Variants in TDRD3 observed in about 807,000 individuals in gnomAD.
TDRD3 encodes the protein tudor domain containing 3, also known as tudor domain-containing protein 3.
A neutral mutation model predicts 86.7 loss-of-function variants in TDRD3; 45 were observed. That is an observed-to-expected ratio of 0.52 (90% CI 0.41 to 0.67). TDRD3 has a LOEUF of 0.67. TDRD3 is among the 30% of genes least tolerant of loss of function. TDRD3 has a pLI of 0.00. For synonymous variants in TDRD3, 298 were observed against 301.7 expected (o/e 0.99, Z 0.13); for missense variants, 814 against 889.0 (o/e 0.92, Z 1.07).
intron 5 of TDRD3, among the ~76,000 whole-genome samples, chr13:60,482,432 A>G (rs1956337244): frequency 6.6e-6 from 1 of 152,210 alleles, no homozygotes; most frequent in African/African-American, 2.4e-5. Context: ...TTGTTTTTAA[A>G]GAGAGAGTAA....
At chr13:60,402,386 T>G (rs1192341702) in intron 1 of TDRD3, among the ~76,000 whole-genome samples, 1 of 152,214 alleles carries the variant, frequency 6.6e-6, no homozygotes, top group Non-Finnish European at 1.5e-5. Flanking sequence ...ACATAAAATA[T>G]GAGTTTATGC....
At chr13:60,439,613 A>T in intron 1 of TDRD3, 75 bp from the exon 2 acceptor site, 1 of 1,174,566 alleles carries the variant, frequency 8.5e-7, no homozygotes, top group Non-Finnish European at 1.2e-6. Context: ...TAGAAAACAA[A>T]ATTGCATGTA....
At chr13:60,470,784 T>C (rs973491128) in intron 5 of TDRD3, among the ~76,000 whole-genome samples, 1 of 152,114 alleles carries the variant, frequency 6.6e-6, no homozygotes, top group Non-Finnish European at 1.5e-5. Flanking sequence ...GGTTTCACTA[T>C]GTTGGCCAGG....
intron 12 of TDRD3, among the ~76,000 whole-genome samples, chr13:60,563,419 TCC>T (rs1958383070): frequency 6.6e-6 from 1 of 152,094 alleles, no homozygotes; most frequent in Non-Finnish European, 1.5e-5. Flanking sequence ...AACTCAAACT[TCC>T]TGAGGTTAGA....
intron 1 of TDRD3, among the ~76,000 whole-genome samples, chr13:60,428,107 C>T (rs2137901669): frequency 6.6e-6 from 1 of 151,970 alleles, no homozygotes; most frequent in South Asian, 2.1e-4. Flanking sequence ...CAGTTTCTGC[C>T]TCCAGCTTCA....
chr13:60,424,158 A>G (rs1181072269), intron 1 of TDRD3, among the ~76,000 whole-genome samples: 4 of 151,488 alleles, frequency 2.6e-5, no homozygotes, highest in Non-Finnish European at 5.9e-5. Flanking sequence ...AGTAGCTGGG[A>G]CTACAGGCGC....
chr13:60,455,047 G>C (rs1212104874), intron 3 of TDRD3, among the ~76,000 whole-genome samples: 1 of 152,050 alleles, frequency 6.6e-6, no homozygotes, highest in East Asian at 1.9e-4. Context: ...CCAAGTAGCT[G>C]GGATTACAGG....
intron 10 of TDRD3, among the ~76,000 whole-genome samples, chr13:60,515,699 A>G (rs9538733): frequency 0.14 from 20,922 of 152,192 alleles, 1,510 homozygotes; most frequent in East Asian, 0.2. Context: ...ATTGTAAAAT[A>G]AACAAACAAA....
chr13:60,547,870 A>G (rs553843333), intron 12 of TDRD3, among the ~76,000 whole-genome samples: 1 of 152,292 alleles, frequency 6.6e-6, no homozygotes, highest in African/African-American at 2.4e-5. Context: ...TTTCTTCTTT[A>G]ATATTCCCAG....
chr13:60,478,051 A>G (rs1956225133), intron 5 of TDRD3, among the ~76,000 whole-genome samples: 1 of 151,988 alleles, frequency 6.6e-6, no homozygotes, highest in South Asian at 2.1e-4. Flanking sequence ...TCAATTTCAA[A>G]ACTTGTTATT....
intron 1 of TDRD3, among the ~76,000 whole-genome samples, chr13:60,436,097 T>C (rs1955093357): frequency 6.9e-6 from 1 of 145,802 alleles, no homozygotes; most frequent in Middle Eastern, 3.4e-3. Context: ...TTGCCCACTT[T>C]TGGATGGGTT....
chr13:60,420,006 A>C (rs950483477), intron 1 of TDRD3, among the ~76,000 whole-genome samples: 12 of 152,050 alleles, frequency 7.9e-5, no homozygotes, highest in African/African-American at 2.9e-4. Context: ...TCTTATAATT[A>C]TTGTGGTTAT....
At chr13:60,487,271 G>A (rs1470117520) in intron 7 of TDRD3, among the ~76,000 whole-genome samples, 1 of 152,126 alleles carries the variant, frequency 6.6e-6, no homozygotes, top group Admixed American at 6.5e-5. Flanking sequence ...TGAGGCAGGT[G>A]TATCACCTGA....
In TDRD3 at chr13:60,463,335, C is replaced by T. The variant is rs552401516; in HGVS notation, c.353+2795C>T. ...TGAGAACACACCATTGCGCTCCAGT[C>T]GGTGTGACAAGAGCAAAATTCTGGC... On this transcript the variant is annotated intron_variant, in intron 4 of 13. Coordinates refer to ENST00000377881, the MANE Select transcript of TDRD3 (RefSeq NM_001146070.2). Among the ~76,000 whole-genome samples, 6 of 128,322 alleles carry T rather than the reference C, an allele frequency of 4.7e-5. No homozygotes were observed. The South Asian group carries it at 7.9e-4, about 17-fold the overall frequency. 84.2% of individuals were successfully genotyped at this position (128,322 alleles called of 152,430 possible).
chr13:60,547,567 G>A, intron 12 of TDRD3: 1 of 202,592 alleles, frequency 4.9e-6, no homozygotes. Flanking sequence ...ATGTAAATGT[G>A]CTCTATAACC....
At chr13:60,433,473 A>C (rs750068673) in intron 1 of TDRD3, among the ~76,000 whole-genome samples, 22 of 152,216 alleles carry the variant, frequency 1.4e-4, no homozygotes, top group Non-Finnish European at 3.2e-4. Flanking sequence ...TTGCTCTCCC[A>C]GTGCGTACAA....
At chr13:60,446,101 T>C (rs980126012) in intron 3 of TDRD3, among the ~76,000 whole-genome samples, 1 of 152,214 alleles carries the variant, frequency 6.6e-6, no homozygotes, top group Non-Finnish European at 1.5e-5. Flanking sequence ...ATGTAACTTT[T>C]CACATGAAAC....
chr13:60,402,691 C>CTTTTTTT (rs35984156), intron 1 of TDRD3, among the ~76,000 whole-genome samples: 2 of 73,270 alleles, frequency 2.7e-5, no homozygotes, highest in Non-Finnish European at 4.9e-5. Context: ...AAACCAATTG[C>CTTTTTTT]TTTTTTTTTT....
At chr13:60,550,149 G>A (rs539203608) in intron 12 of TDRD3, among the ~76,000 whole-genome samples, 1 of 152,156 alleles carries the variant, frequency 6.6e-6, no homozygotes, top group South Asian at 2.1e-4. Flanking sequence ...CAAAGTTTAT[G>A]CCACTGCATG....
Sources: gnomAD v4.1 joint callset for allele counts (sites outside exome capture counted in the v4.1 genomes callset) on GRCh38, gnomAD v4.1.1 for gene constraint, MANE v1.5 for transcripts, NCBI Gene and HGNC (gene_info 2026-07-23, HGNC 2026-07-21) for gene names.